Variants in ZNF783 observed in about 807,000 individuals in gnomAD.
ZNF783 encodes the protein protein ZNF783.
A neutral mutation model predicts 31.3 loss-of-function variants in ZNF783; 25 were observed. That is an observed-to-expected ratio of 0.80 (90% CI 0.58 to 1.11). ZNF783 has a LOEUF of 1.11. Ranked by LOEUF, ZNF783 falls within the 50% of genes most tolerant of loss-of-function variation. The pLI is 0.00. For synonymous variants in ZNF783, 369 were observed against 319.1 expected, an observed-to-expected ratio of 1.16 and a Z score of -1.66; for missense variants, 797 against 760.0, an observed-to-expected ratio of 1.05 and a Z score of -0.57.
chr7:149,282,957 G>GTTTTTTTTTTTTTTTT lies in ZNF783; in HGVS notation c.*624_*625insTTTTTTTTTTTTTTTT, dbSNP rs57927274. The GTTTTTTTTTTTTTTTT allele has an allele frequency of 1.3e-4, 18 of 134,366 alleles. No homozygotes were observed. Among genetic ancestry groups the GTTTTTTTTTTTTTTTT allele is most frequent in the Admixed American group, 4.6e-4 (6 of 12,984 alleles). 8.3% of individuals were successfully genotyped at this position (134,366 alleles called of 1,614,324 possible). On this transcript the variant is annotated 3_prime_UTR_variant, in exon 6 of 6. Coordinates refer to ENST00000434415, the MANE Select transcript of ZNF783 (RefSeq NM_001195220.2). ...CGTCCACCAGCCTGTGGGTCTTTTG[G>GTTTTTTTTTTTTTTTT]TTTTTTTTTTGTTGTTGTTGTTGTT... is the stretch of plus-strand genomic sequence containing the variant.
intron 1 of ZNF783, among the ~76,000 whole-genome samples, chr7:149,264,915 A>C (rs1585606254): frequency 6.9e-6 from 1 of 144,372 alleles, no homozygotes; most frequent in Non-Finnish European, 1.5e-5. Context: ...CTCTGTGGAA[A>C]GTGTATTGTC....
chr7:149,278,038 T>TGGA (rs1004147514), intron 4 of ZNF783: 10 of 446,754 alleles, frequency 2.2e-5, no homozygotes, highest in Non-Finnish European at 2.0e-5. Context: ...AAGAGCAGCT[T>TGGA]GGAGGAGGAG....
chr7:149,279,607 C>T (rs576968644), intron 5 of ZNF783, among the ~76,000 whole-genome samples: 1 of 150,790 alleles, frequency 6.6e-6, no homozygotes, highest in Admixed American at 6.6e-5. Flanking sequence ...ACGTGGCCGC[C>T]AGCTAGCACC....
At chr7:149,262,494 C>T in intron 1 of ZNF783, 137 bp downstream of exon 1, 3 of 760,658 alleles carry the variant, frequency 3.9e-6, no homozygotes, top group South Asian at 6.6e-5. Context: ...GCCCCCGGCC[C>T]ATCGCCCAGC....
chr7:149,267,277 C>G, intron 4 of ZNF783, 55 bp downstream of exon 4: 4 of 1,530,264 alleles, frequency 2.6e-6, no homozygotes, highest in Non-Finnish European at 3.5e-6. Context: ...GCTGCACCAT[C>G]GCCTACCCTC....
At chr7:149,280,197 C>T (rs1286694128) in intron 5 of ZNF783, among the ~76,000 whole-genome samples, 3 of 151,616 alleles carry the variant, frequency 2.0e-5, no homozygotes, top group Admixed American at 1.3e-4. Context: ...GGCAGAGGAG[C>T]TCCTCACTTC....
intron 5 of ZNF783, among the ~76,000 whole-genome samples, chr7:149,280,815 C>T (rs747096888): frequency 1.3e-5 from 2 of 152,214 alleles, no homozygotes; most frequent in Non-Finnish European, 2.9e-5. Flanking sequence ...GTCTCCAGCA[C>T]ATTGCTGTGA....
rs1206750393 is a variant in ZNF783, at chr7:149,266,554, G to A, written c.244G>A (p.Glu82Lys). The change falls in exon 2 of 6, where the codon GAG becomes AAG. Residue 82 changes from glutamate (E) to lysine (K), a missense_variant. By Grantham distance (56) the Glu-to-Lys change is moderately conservative. Coordinates refer to ENST00000434415, the MANE Select transcript of ZNF783 (RefSeq NM_001195220.2). ...AGCCGAGAAGAAGCTGGCCGACTGC[G>A]AGAAGACAGCTGTGGAGTTCGGGAA... ...GTAEKKLADC[E>K]KTAVEFGNQL... is the part of the protein sequence containing the mutation. 4 of 1,614,096 alleles carry A rather than the reference G, an allele frequency of 2.5e-6. No individual in the cohort carries two copies. Among genetic ancestry groups the A allele is most frequent in the East Asian group, 2.2e-5 (1 of 44,892 alleles).
chr7:149,267,674 G>A (rs1386750625), intron 4 of ZNF783, among the ~76,000 whole-genome samples: 1 of 152,152 alleles, frequency 6.6e-6, no homozygotes, highest in African/African-American at 2.4e-5. Flanking sequence ...GCAGGCGCCT[G>A]TAGTCCCAGC....
rs1406576153 is a variant in ZNF783, at chr7:149,282,541, CCTGA to C, written c.*201_*204del. Reference sequence around the variant, plus strand: ...CACTCTTCGCTGCCTTTTCTGCATTCCTGACTTCTAAAAGATGCCTTAAGGCTTA... The same window carrying C: ...CACTCTTCGCTGCCTTTTCTGCATTCCTTCTAAAAGATGCCTTAAGGCTTA... On this transcript the variant is annotated 3_prime_UTR_variant, in exon 6 of 6. Transcript: ENST00000434415. The C allele has an allele frequency of 1.4e-5, 8 of 559,782 alleles. 1 individual carries two copies. The Admixed American group carries it at 2.5e-4, about 18-fold the overall frequency. The allele number at this position is 559,782 out of a possible 1,614,324, so 34.7% of individuals were successfully genotyped here.
intron 4 of ZNF783, among the ~76,000 whole-genome samples, chr7:149,272,138 C>T (rs1420413022): frequency 2.0e-5 from 3 of 152,134 alleles, no homozygotes; most frequent in African/African-American, 7.2e-5. Context: ...GAGCCCCAGC[C>T]TCTGGAGTAG....
chr7:149,280,172 C>CG (rs1797431434), intron 5 of ZNF783, among the ~76,000 whole-genome samples: 1 of 126,186 alleles, frequency 7.9e-6, no homozygotes, highest in Non-Finnish European at 1.7e-5. Flanking sequence ...CCCTCCCGGA[C>CG]GGGGCGGCTG....
intron 1 of ZNF783, among the ~76,000 whole-genome samples, chr7:149,263,334 T>G (rs1393338516): frequency 2.7e-5 from 4 of 147,590 alleles, no homozygotes; most frequent in Non-Finnish European, 6.0e-5. Context: ...ATTTTTTTTT[T>G]AGACACAGTC....
Position 149,282,426 on chromosome 7 carries a change from G to T in ZNF783, c.*83G>T. 5 of 1,227,792 alleles carry T rather than the reference G, an allele frequency of 4.1e-6. No homozygotes were observed. Among genetic ancestry groups the T allele is most frequent in the Non-Finnish European group, 5.5e-6 (5 of 914,060 alleles). 76.1% of individuals were successfully genotyped at this position (1,227,792 alleles called of 1,614,324 possible). On this transcript the variant is annotated 3_prime_UTR_variant, in exon 6 of 6. Coordinates refer to ENST00000434415, the MANE Select transcript of ZNF783 (RefSeq NM_001195220.2). ...GTTCTTCCTTTTCCTGGGATGGAGA[G>T]AGGTTTGTTGTTTTTACCCATTCAA... is the stretch of plus-strand genomic sequence containing the variant.
At chr7:149,265,335 GGAA>G (rs1339757151) in intron 1 of ZNF783, among the ~76,000 whole-genome samples, 1 of 150,956 alleles carries the variant, frequency 6.6e-6, no homozygotes, top group Non-Finnish European at 1.5e-5. Context: ...GAAGGACAAT[GGAA>G]TAAAAGAGGT....
chr7:149,264,472 G>A (rs1278300262), intron 1 of ZNF783, among the ~76,000 whole-genome samples: 1 of 152,178 alleles, frequency 6.6e-6, no homozygotes, highest in Non-Finnish European at 1.5e-5. Context: ...GGTCAAGAGA[G>A]GTCGGCTGGG....
At position 149,281,592 on chromosome 7, in the gene ZNF783, C is replaced by G. The variant is rs997877312; in HGVS notation, c.890C>G (p.Thr297Ser). The G allele has an allele frequency of 1.3e-6, 2 of 1,535,920 alleles. No individual in the cohort carries two copies. Among genetic ancestry groups the G allele is most frequent in the East Asian group, 2.4e-5 (1 of 41,576 alleles). The change falls in exon 6 of 6, where the codon ACC becomes AGC. Residue 297 changes from threonine to serine, a missense_variant. Coordinates refer to ENST00000434415, the MANE Select transcript of ZNF783 (RefSeq NM_001195220.2). ...TTTCTGGGGGTGTCCCGAGGCCAGA[C>G]CGAGTGTAGAATCCCCCGAGGGCCC... ...RLFLGVSRGQTECRIPRGPRN... is the reference protein window; with the variant it reads ...RLFLGVSRGQSECRIPRGPRN...
In ZNF783 at chr7:149,281,563, G is replaced by A; in HGVS notation, c.861G>A (p.Arg287=). The change falls in exon 6 of 6, where the codon CGG becomes CGA. Residue 287 remains arginine, a synonymous_variant. Transcript: ENST00000434415. ...CTGAAGACGAGATGACGCCTGAGCG[G>A]CTCTTTCTGGGGGTGTCCCGAGGCC... ...AQSEDEMTPE[R]LFLGVSRGQT... is the part of the protein sequence containing the mutation. 6 of 1,495,162 alleles carry A rather than the reference G, an allele frequency of 4.0e-6. No individual in the cohort carries two copies. The highest frequency in any genetic ancestry group is 2.4e-5 in the Admixed American group (1 of 42,086). 92.6% of individuals were successfully genotyped at this position (1,495,162 alleles called of 1,614,324 possible).
Position 149,262,282 on chromosome 7 carries a change from G to A in ZNF783, c.-52G>A. ...CGCCGTCGCTGCCGCGCCGCCCCGGGCCCGACAGGCCGGGTCCAGGGACTG... is the reference window on the plus strand; with the variant it reads ...CGCCGTCGCTGCCGCGCCGCCCCGGACCCGACAGGCCGGGTCCAGGGACTG... On this transcript the variant is annotated 5_prime_UTR_variant, in exon 1 of 6. Transcript: ENST00000434415. 1 of 1,333,252 alleles carries A rather than the reference G, an allele frequency of 7.5e-7. No individual in the cohort carries two copies. Among genetic ancestry groups the A allele is most frequent in the South Asian group, 1.7e-5 (1 of 58,110 alleles). The allele number at this position is 1,333,252 out of a possible 1,614,324, so 82.6% of individuals were successfully genotyped here.
Sources: gnomAD v4.1 joint callset for allele counts (sites outside exome capture counted in the v4.1 genomes callset) on GRCh38, gnomAD v4.1.1 for gene constraint, MANE v1.5 for transcripts, NCBI Gene and HGNC (gene_info 2026-07-23, HGNC 2026-07-21) for gene names.